Variants in INSIG2 observed in about 807,000 individuals in gnomAD.
INSIG2 encodes insulin induced gene 2.
A neutral mutation model predicts 27.2 loss-of-function variants in INSIG2; 10 were observed. That is an observed-to-expected ratio of 0.37 (90% CI 0.23 to 0.62). INSIG2 has a LOEUF of 0.62. INSIG2 is among the 20% of genes least tolerant of loss of function. The pLI, the probability that INSIG2 is intolerant of heterozygous loss-of-function variation, is 0.65. For synonymous variants in INSIG2, 97 were observed against 95.8 expected (o/e 1.01, Z -0.07); for missense variants, 178 against 270.2 (o/e 0.66, Z 2.39).
At chr2:118,104,377 C>T (rs1678622829) in intron 3 of INSIG2, among the ~76,000 whole-genome samples, 1 of 152,188 alleles carries the variant, frequency 6.6e-6, no homozygotes, top group Non-Finnish European at 1.5e-5. Flanking sequence ...ATCTGCCTTC[C>T]TCTGCACAGT....
At chr2:118,102,735 AC>A (rs1240118576) in intron 2 of INSIG2, 1 of 158,728 alleles carries the variant, frequency 6.3e-6, no homozygotes, top group African/African-American at 2.4e-5. Flanking sequence ...CTTGTTGTAT[AC>A]TTTTATACTT....
rs756662128 is a variant in INSIG2 at position 118,106,817 on chromosome 2, A to C, written c.450A>C (p.Arg150Ser). 6.2e-7 allele frequency: 1 copy of C among 1,614,120 alleles called. No homozygotes were observed. Among genetic ancestry groups the C allele is most frequent in the South Asian group, 1.1e-5 (1 of 91,080 alleles). Reference sequence around the variant, plus strand: ...TTGGACTGTGGTGGACTTTTGATAGATCTAGAAGTGGTTTTGGCCTTGGAG... The same window carrying C: ...TTGGACTGTGGTGGACTTTTGATAGCTCTAGAAGTGGTTTTGGCCTTGGAG... ...LSIGLWWTFDRSRSGFGLGVG... is the reference protein window; with the variant it reads ...LSIGLWWTFDSSRSGFGLGVG... The change falls in exon 4 of 6, where the codon AGA (arginine) becomes AGC (serine). Residue 150 changes from arginine to serine, a missense_variant. Coordinates refer to ENST00000245787, the MANE Select transcript of INSIG2 (RefSeq NM_016133.4).
intron 1 of INSIG2, among the ~76,000 whole-genome samples, chr2:118,095,784 C>G (rs1012212800): frequency 3.9e-5 from 6 of 152,132 alleles, no homozygotes; most frequent in African/African-American, 1.4e-4. Flanking sequence ...GAGTGGGATA[C>G]AGTTGTGCCC....
intron 2 of INSIG2, among the ~76,000 whole-genome samples, chr2:118,101,075 T>C (rs1293127103): frequency 1.3e-5 from 2 of 152,178 alleles, no homozygotes. Flanking sequence ...TTTAACAGTC[T>C]TTCTTGTTTT....
chr2:118,105,296 C>T (rs1165060179), intron 3 of INSIG2, among the ~76,000 whole-genome samples: 2 of 152,200 alleles, frequency 1.3e-5, no homozygotes, highest in South Asian at 2.1e-4. Flanking sequence ...CCACCTCGGT[C>T]TCTCAAAGTG....
intron 1 of INSIG2, among the ~76,000 whole-genome samples, chr2:118,091,965 G>T (rs1678242900): frequency 6.6e-6 from 1 of 152,200 alleles, no homozygotes; most frequent in Non-Finnish European, 1.5e-5. Context: ...GTTTTGCAAT[G>T]CTTAGAACAG....
At chr2:118,096,990 C>T (rs1678423561) in intron 2 of INSIG2, among the ~76,000 whole-genome samples, 190 bp downstream of exon 2, 1 of 152,220 alleles carries the variant, frequency 6.6e-6, no homozygotes, top group Non-Finnish European at 1.5e-5. Context: ...CACATGACCA[C>T]TGCCAATCCA....
rs1268000289 is a variant in INSIG2 at position 118,109,885 on chromosome 2, AT to A, written c.*1566del. ...TTATATCTTCCAGATAATGTTATTC[AT>A]TTAGAACAAATAAGGTATATTTTTT... On this transcript the variant is annotated 3_prime_UTR_variant, in exon 6 of 6. Coordinates refer to ENST00000245787, the MANE Select transcript of INSIG2 (RefSeq NM_016133.4). The A allele has an allele frequency of 1.3e-5, 2 of 152,606 alleles. No individual in the cohort carries two copies. The highest frequency in any genetic ancestry group is 3.8e-4 in the East Asian group (2 of 5,204). The allele number at this position is 152,606 out of a possible 1,614,324, so 9.5% of individuals were successfully genotyped here.
chr2:118,098,161 C>T (rs1279413688), intron 2 of INSIG2, among the ~76,000 whole-genome samples: 1 of 152,098 alleles, frequency 6.6e-6, no homozygotes, highest in Non-Finnish European at 1.5e-5. Context: ...GAAGAGAAAA[C>T]GTTTTCTCAA....
intron 2 of INSIG2, among the ~76,000 whole-genome samples, chr2:118,101,364 T>C (rs972535091): frequency 6.6e-6 from 1 of 152,356 alleles, no homozygotes; most frequent in East Asian, 1.9e-4. Context: ...GTGTTTTTGC[T>C]TTCTCTCCTC....
In INSIG2 at chr2:118,108,639, A is replaced by G. The variant is rs1678736986; in HGVS notation, c.*317A>G. On this transcript the variant is annotated 3_prime_UTR_variant, in exon 6 of 6. Coordinates refer to ENST00000245787, the MANE Select transcript of INSIG2 (RefSeq NM_016133.4). ...TTTTTTAAAACATGCCATACATTGT[A>G]TCACAATGTTAATGTGCCAAGATAT... 5.2e-6 allele frequency: 1 copy of G among 193,926 alleles called. No homozygotes were observed. Among genetic ancestry groups the G allele is most frequent in the Non-Finnish European group, 1.0e-5 (1 of 95,536 alleles). 12.0% of individuals were successfully genotyped at this position (193,926 alleles called of 1,614,324 possible).
In INSIG2 at chr2:118,091,009, A is replaced by T. The variant is rs538583083; in HGVS notation, c.-139+2468A>T. On this transcript the variant is annotated intron_variant, in intron 1 of 5. Transcript: ENST00000245787. ...CAGAGACTTTTTCCCTGGTCAGCAA[A>T]TTATTTGTCAAGTAATCTAAATTTT... 8.3e-4 allele frequency among the ~76,000 whole-genome samples: 126 copies of T among 152,316 alleles called. 1 individual carries two copies. Among genetic ancestry groups the T allele is most frequent in the African/African-American group, 2.9e-3 (122 of 41,564 alleles).
Position 118,110,160 on chromosome 2 carries a change from C to T in INSIG2, c.*1838C>T, listed in dbSNP as rs1008199072. 2 of 152,140 alleles carry T rather than the reference C, an allele frequency of 1.3e-5. No individual in the cohort carries two copies. The highest frequency in any genetic ancestry group is 2.9e-5 in the Non-Finnish European group (2 of 68,028). The allele number at this position is 152,140 out of a possible 1,614,324, so 9.4% of individuals were successfully genotyped here. On this transcript the variant is annotated 3_prime_UTR_variant, in exon 6 of 6. Coordinates refer to ENST00000245787, the MANE Select transcript of INSIG2 (RefSeq NM_016133.4). ...AAACTAAATATAGTTGACCCTTGAA[C>T]AACAGGAGTTAGGGGCACCACTCCC...
In INSIG2 at chr2:118,110,748, A is replaced by T. The variant is rs946208235; in HGVS notation, c.*2426A>T. ...TGCTAGATTGGCAGTGCTTTCTTTT[A>T]TTATTTCAAGTTATGGAAATTTGCA... On this transcript the variant is annotated 3_prime_UTR_variant, in exon 6 of 6. Transcript: ENST00000245787. The T allele has an allele frequency of 1.3e-5, 2 of 152,170 alleles. No homozygotes were observed. The highest frequency in any genetic ancestry group is 6.5e-5 in the Admixed American group (1 of 15,276). The allele number at this position is 152,170 out of a possible 1,614,324, so 9.4% of individuals were successfully genotyped here.
At chr2:118,088,735 A>T (rs1286478413) in intron 1 of INSIG2, 194 bp downstream of exon 1, 1 of 152,348 alleles carries the variant, frequency 6.6e-6, no homozygotes, top group Non-Finnish European at 1.5e-5. Flanking sequence ...AGGGGTCCGC[A>T]AGGTCCAGAA....
chr2:118,096,644 A>G lies in INSIG2; in HGVS notation c.88A>G (p.Ile30Val), dbSNP rs1203328944. Reference sequence around the variant, plus strand: ...CACTAGCCAGAGTGTGAACTTGATGATTCGAGGAGTAGTGCTATTTTTTAT... The same window carrying G: ...CACTAGCCAGAGTGTGAACTTGATGGTTCGAGGAGTAGTGCTATTTTTTAT... ...SVTSQSVNLM[I>V]RGVVLFFIGV... The change falls in exon 2 of 6, where the codon ATT becomes GTT. Residue 30 changes from isoleucine to valine, a missense_variant. Physicochemically the swap from Ile to Val is conservative, Grantham distance 29. Coordinates refer to ENST00000245787, the MANE Select transcript of INSIG2 (RefSeq NM_016133.4). The G allele has an allele frequency of 6.2e-7, 1 of 1,614,030 alleles. No homozygotes were observed. The highest frequency in any genetic ancestry group is 1.1e-5 in the South Asian group (1 of 91,074).
In INSIG2 at chr2:118,103,896, T is replaced by C. The variant is rs1303519372; in HGVS notation, c.369+575T>C. Among the ~76,000 whole-genome samples, 2 of 152,184 alleles carry C rather than the reference T, an allele frequency of 1.3e-5. 1 individual carries two copies. The highest frequency in any genetic ancestry group is 4.8e-5 in the African/African-American group (2 of 41,440). On this transcript the variant is annotated intron_variant, in intron 3 of 5. Transcript: ENST00000245787. ...TTTTATTGTTTGAAGATTCAGACATTTTATTTAGTGGTTAATGAGTATTTT... is the reference window on the plus strand; with the variant it reads ...TTTTATTGTTTGAAGATTCAGACATCTTATTTAGTGGTTAATGAGTATTTT...
chr2:118,108,179 TA>T lies in INSIG2; in HGVS notation c.637-101del, dbSNP rs199783752. On this transcript the variant is annotated intron_variant, in intron 5 of 5. Transcript: ENST00000245787. ...ATTATTTGAGGAATAAATGGGCACA[TA>T]GTAATAAAATGTTCATTTTTAGAGC... 2,021 of 700,620 alleles carry T rather than the reference TA, an allele frequency of 2.9e-3. 32 individuals carry two copies. The Admixed American group carries it at 0.035, about 12-fold the overall frequency. 43.4% of individuals were successfully genotyped at this position (700,620 alleles called of 1,614,324 possible). A position where few individuals can be genotyped will look rare whatever the true frequency, so the allele number is the denominator to read the frequency against.
At chr2:118,103,086 T>C (rs947641028) in intron 2 of INSIG2, 111 bp from the exon 3 acceptor site, 1 of 1,005,934 alleles carries the variant, frequency 9.9e-7, no homozygotes, top group Non-Finnish European at 1.4e-6. Flanking sequence ...TTTTGTTTTT[T>C]TTTTTTTAAG....
Sources: allele counts gnomAD v4.1 joint callset (sites outside exome capture counted in the v4.1 genomes callset), GRCh38; gene constraint gnomAD v4.1.1; transcripts MANE v1.5; gene names NCBI Gene and HGNC (gene_info 2026-07-23, HGNC 2026-07-21).